Variants in KCNQ1 observed in about 807,000 individuals in gnomAD.
KCNQ1 encodes the protein potassium voltage-gated channel subfamily KQT member 1.
In KCNQ1, 49 loss-of-function variants were observed where a neutral mutation model predicts 72.4. That is an observed-to-expected ratio of 0.68 (90% confidence interval 0.54 to 0.86). The LOEUF is 0.86. Ranked by LOEUF, KCNQ1 falls within the 40% of genes least tolerant of loss-of-function variation. The probability of loss-of-function intolerance (pLI) is 0.00; values close to 1 mark genes in which losing one functional copy is unlikely to be tolerated. For missense variants in KCNQ1, 790 were observed against 945.1 expected (o/e 0.84, Z 2.15); for synonymous variants, 450 against 412.6 (o/e 1.09, Z -1.10).
At chr11:2,666,030 G>A in intron 11 of KCNQ1, 1 of 398,680 alleles carries the variant, frequency 2.5e-6, no homozygotes, top group Non-Finnish European at 4.4e-6. Flanking sequence ...GTTGCACATG[G>A]ATACCTGAGA....
intron 6 of KCNQ1, among the ~76,000 whole-genome samples, chr11:2,576,073 A>C (rs971291298): frequency 6.6e-6 from 1 of 152,238 alleles, no homozygotes; most frequent in Non-Finnish European, 1.5e-5. Flanking sequence ...CAGGTGATCC[A>C]GGAGGAGCTC....
chr11:2,769,198 A>C lies in KCNQ1; in HGVS notation c.1590+279A>C, dbSNP rs1846549310. 6.6e-6 allele frequency among the ~76,000 whole-genome samples: 1 copy of C among 151,968 alleles called. No homozygotes were observed. Among genetic ancestry groups the C allele is most frequent in the Non-Finnish European group, 1.5e-5 (1 of 68,000 alleles). On this transcript the variant is annotated intron_variant, in intron 12 of 15. Transcript: ENST00000155840. This position sits in a 1 kb window ranked among gnomAD's most constrained non-coding sequence, Gnocchi z 4.6. ...GTAGAAGGCAGCAGCCGTGTAGCTC[A>C]CTCAGTCCTCCCGTGGGGTGGGTCG...
intron 15 of KCNQ1, among the ~76,000 whole-genome samples, chr11:2,831,221 G>A (rs1206060388): frequency 6.6e-6 from 1 of 152,218 alleles, no homozygotes; most frequent in Non-Finnish European, 1.5e-5. Flanking sequence ...ATCGGGTGCA[G>A]GGCAGGATGT....
intron 1 of KCNQ1, among the ~76,000 whole-genome samples, chr11:2,469,131 G>A (rs374193402): frequency 6.6e-6 from 1 of 152,178 alleles, no homozygotes; most frequent in East Asian, 1.9e-4. Context: ...GGCCCTCCCT[G>A]GCATTCCTGG....
Position 2,620,812 on chromosome 11 carries a change from G to C in KCNQ1, c.1393+31958G>C, listed in dbSNP as rs1326334319. 1 of 398,452 alleles carries C rather than the reference G, an allele frequency of 2.5e-6. No homozygotes were observed. The highest frequency in any genetic ancestry group is 4.4e-6 in the Non-Finnish European group (1 of 226,068). The allele number at this position is 398,452 out of a possible 1,614,324, so 24.7% of individuals were successfully genotyped here. A position where few individuals can be genotyped will look rare whatever the true frequency, so the allele number is the denominator to read the frequency against. On this transcript the variant is annotated intron_variant, in intron 10 of 15. Coordinates refer to ENST00000155840, the MANE Select transcript of KCNQ1 (RefSeq NM_000218.3). The surrounding 1 kb of genome is among the most constrained non-coding windows in gnomAD (Gnocchi z 4.5). ...ACTAATTTGTATTCCTGCCAACAGT[G>C]TATAAGCGTTCCCTTTTCTCTGCAG...
At chr11:2,665,535 T>G (rs1458061771) in intron 11 of KCNQ1, 2 of 393,418 alleles carry the variant, frequency 5.1e-6, no homozygotes, top group East Asian at 7.2e-5. Flanking sequence ...TAGAATGCCC[T>G]TGTCACCCAT....
chr11:2,448,976 A>G (rs752915274), intron 1 of KCNQ1, among the ~76,000 whole-genome samples: 7 of 152,136 alleles, frequency 4.6e-5, no homozygotes, highest in Non-Finnish European at 8.8e-5. Flanking sequence ...AGCCTGGGAG[A>G]AAGGGCCTCC....
intron 15 of KCNQ1, among the ~76,000 whole-genome samples, chr11:2,832,925 C>T (rs1405014357): frequency 3.1e-4 from 47 of 152,156 alleles, no homozygotes; most frequent in Non-Finnish European, 2.9e-5. Flanking sequence ...TCACTCCACT[C>T]TCCCACTTTG....
chr11:2,577,973 T>C (rs1267406963), intron 6 of KCNQ1, among the ~76,000 whole-genome samples: 1 of 152,026 alleles, frequency 6.6e-6, no homozygotes, highest in African/African-American at 2.4e-5. Context: ...GTCACCCAGG[T>C]CAGTGGGGCC....
chr11:2,778,218 G>A (rs1266316708), intron 15 of KCNQ1, among the ~76,000 whole-genome samples, 181 bp downstream of exon 15: 1 of 152,246 alleles, frequency 6.6e-6, no homozygotes, highest in Non-Finnish European at 1.5e-5. Context: ...ACCTGGCGGG[G>A]CATTGGTCCC....
chr11:2,482,868 A>G lies in KCNQ1; in HGVS notation c.386+37384A>G, dbSNP rs1351491092. Among the ~76,000 whole-genome samples, 4 of 152,284 alleles carry G rather than the reference A, an allele frequency of 2.6e-5. No individual in the cohort carries two copies. The East Asian group carries it at 7.7e-4, about 29-fold the overall frequency. On this transcript the variant is annotated intron_variant, in intron 1 of 15. Coordinates refer to ENST00000155840, the MANE Select transcript of KCNQ1 (RefSeq NM_000218.3). The surrounding 1 kb of genome is among the most constrained non-coding windows in gnomAD (Gnocchi z 5.7). Reference sequence around the variant, plus strand: ...TAGGTTGTTGGGGAAACCAGGAGTGAGTGGAGCACGAGGGTCACCCTCCAG... The same window carrying G: ...TAGGTTGTTGGGGAAACCAGGAGTGGGTGGAGCACGAGGGTCACCCTCCAG...
rs146077309 is a variant in KCNQ1, at chr11:2,815,984, G to A, written c.1795-31783G>A. The stretch of plus-strand genomic sequence containing the variant: ...CAGCTGGATATGTTCCCTTGCAGGC[G>A]GGCAGGGCTCTGGGGAGTCCAAGTG... On this transcript the variant is annotated intron_variant, in intron 15 of 15. Coordinates refer to ENST00000155840, the MANE Select transcript of KCNQ1 (RefSeq NM_000218.3). This position sits in a 1 kb window ranked among gnomAD's most constrained non-coding sequence, Gnocchi z 5.4. Among the ~76,000 whole-genome samples, 12 of 152,350 alleles carry A rather than the reference G, an allele frequency of 7.9e-5. No individual in the cohort carries two copies. The East Asian group carries it at 1.4e-3, about 17-fold the overall frequency.
Position 2,488,569 on chromosome 11 carries a change from T to C in KCNQ1, c.387-39359T>C, listed in dbSNP as rs1372998871. Among the ~76,000 whole-genome samples the C allele has an allele frequency of 6.6e-6, 1 of 152,218 alleles. No individual in the cohort carries two copies. The highest frequency in any genetic ancestry group is 1.5e-5 in the Non-Finnish European group (1 of 68,028). On this transcript the variant is annotated intron_variant, in intron 1 of 15. Coordinates refer to ENST00000155840, the MANE Select transcript of KCNQ1 (RefSeq NM_000218.3). This position sits in a 1 kb window ranked among gnomAD's most constrained non-coding sequence, Gnocchi z 5.1. ...ATGAAGATTTTGTATTTCTTTGTGA[T>C]TTAGTTTTGGTAGGTTTCGTGTTTC...
At chr11:2,554,641 G>A (rs1331106859) in intron 2 of KCNQ1, among the ~76,000 whole-genome samples, 4 of 152,216 alleles carry the variant, frequency 2.6e-5, no homozygotes, top group African/African-American at 9.6e-5. Flanking sequence ...ACAAAGATCA[G>A]ACTTTCTCTG....
In KCNQ1 at chr11:2,824,859, G is replaced by T. The variant is rs186755131; in HGVS notation, c.1795-22908G>T. Among the ~76,000 whole-genome samples, 5 of 152,212 alleles carry T rather than the reference G, an allele frequency of 3.3e-5. No homozygotes were observed. The highest frequency in any genetic ancestry group is 4.8e-5 in the African/African-American group (2 of 41,450). On this transcript the variant is annotated intron_variant, in intron 15 of 15. Transcript: ENST00000155840. This position sits in a 1 kb window ranked among gnomAD's most constrained non-coding sequence, Gnocchi z 5.9. ...CCGCATCCATCCTGCCCCTGGCACC[G>T]GAGGGTACACTGATCAGGGACACGA...
chr11:2,597,822 C>G (rs543237155), intron 10 of KCNQ1, among the ~76,000 whole-genome samples: 1 of 152,010 alleles, frequency 6.6e-6, no homozygotes, highest in Non-Finnish European at 1.5e-5. Context: ...GTAATTTATT[C>G]ATTGCTATTT....
intron 12 of KCNQ1, among the ~76,000 whole-genome samples, chr11:2,774,744 G>A (rs1846660464): frequency 6.6e-6 from 1 of 152,210 alleles, no homozygotes; most frequent in African/African-American, 2.4e-5. Context: ...CTGCTTCCCA[G>A]GGTAGAAGTG....
chr11:2,445,305 G>T lies in KCNQ1; in HGVS notation c.207G>T (p.Ala69=), dbSNP rs587781009. ...PGPAPPASPA[A]PAAPPVASDL... ...CCGCGCCCCCTGCGTCCCCGGCCGC[G>T]CCCGCCGCGCCCCCAGTTGCCTCCG... Residue 69 remains alanine (A), a synonymous_variant, in exon 1 of 16, where the codon GCG becomes GCT. Coordinates refer to ENST00000155840, the MANE Select transcript of KCNQ1 (RefSeq NM_000218.3). 550 of 1,439,640 alleles carry T rather than the reference G, an allele frequency of 3.8e-4. 6 individuals carry two copies. In the Middle Eastern group the frequency reaches 0.013, roughly 34 times the overall value. 89.2% of individuals were successfully genotyped at this position (1,439,640 alleles called of 1,614,324 possible).
At position 2,674,826 on chromosome 11, in the gene KCNQ1, G is replaced by GT. The variant is rs368696639; in HGVS notation, c.1514+12751dup. 166 of 218,662 alleles carry GT rather than the reference G, an allele frequency of 7.6e-4. No individual in the cohort carries two copies. The highest frequency in any genetic ancestry group is 6.2e-3 in the African/African-American group (114 of 18,310). The allele number at this position is 218,662 out of a possible 1,614,324, so 13.5% of individuals were successfully genotyped here. ...GGAAAGGCTTGTCACCCTAATAGCT[G>GT]TTTTTTAAAAAAAAAAAAAAAAAAA... On this transcript the variant is annotated intron_variant, in intron 11 of 15. Coordinates refer to ENST00000155840, the MANE Select transcript of KCNQ1 (RefSeq NM_000218.3). This position sits in a 1 kb window ranked among gnomAD's most constrained non-coding sequence, Gnocchi z 5.9.
Sources: gnomAD v4.1 joint callset for allele counts (sites outside exome capture counted in the v4.1 genomes callset) on GRCh38, gnomAD v4.1.1 for gene constraint, Gnocchi (gnomAD v3.1) non-coding constraint, MANE v1.5 for transcripts, NCBI Gene and HGNC (gene_info 2026-07-23, HGNC 2026-07-21) for gene names.